The following CAB39 variants were observed in gnomAD, a reference collection of about 807,000 sequenced individuals.
CAB39 encodes the protein calcium binding protein 39, also known as calcium-binding protein 39.
Under a neutral mutation model 40.0 loss-of-function variants are expected in CAB39, and 8 were observed. The ratio of observed to expected loss-of-function variants is 0.20; its 90% CI spans 0.12 to 0.36. CAB39 has a LOEUF of 0.36. Ranked by LOEUF, CAB39 falls within the 10% of genes least tolerant of loss-of-function variation. The probability of loss-of-function intolerance (pLI) is 1.00; values close to 1 mark genes in which losing one functional copy is unlikely to be tolerated. For missense variants in CAB39, 270 were observed against 401.1 expected, an observed-to-expected ratio of 0.67 and a Z score of 2.79; for synonymous variants, 156 against 141.6, an observed-to-expected ratio of 1.10 and a Z score of -0.72.
intron 2 of CAB39, among the ~76,000 whole-genome samples, chr2:230,782,689 C>T (rs896554733): frequency 6.6e-6 from 1 of 152,070 alleles, no homozygotes; most frequent in African/African-American, 2.4e-5. Flanking sequence ...CCTTTGAAAA[C>T]CCTTTAATTG....
intron 1 of CAB39, among the ~76,000 whole-genome samples, chr2:230,743,510 G>A (rs1694919690): frequency 6.6e-6 from 1 of 152,202 alleles, no homozygotes; most frequent in African/African-American, 2.4e-5. Flanking sequence ...ATAGTTTTGT[G>A]TGGAGTTATT....
intron 2 of CAB39, among the ~76,000 whole-genome samples, chr2:230,783,638 A>G (rs1457437512): frequency 7.7e-6 from 1 of 129,748 alleles, no homozygotes; most frequent in Non-Finnish European, 1.6e-5. Context: ...AGCTGGGACC[A>G]TAGGCATGCA....
At chr2:230,779,797 T>C (rs755627262) in intron 2 of CAB39, among the ~76,000 whole-genome samples, 4 of 152,198 alleles carry the variant, frequency 2.6e-5, no homozygotes, top group Non-Finnish European at 5.9e-5. Context: ...TCACAGCTGC[T>C]GTAGGCATCA....
At chr2:230,811,314 CCT>C (rs1696300781) in intron 6 of CAB39, among the ~76,000 whole-genome samples, 9 of 151,802 alleles carry the variant, frequency 5.9e-5, no homozygotes, top group Non-Finnish European at 1.5e-5. Flanking sequence ...GGTTTTTTTC[CCT>C]GTCTTTTCCC....
chr2:230,720,217 A>G (rs963585768), intron 1 of CAB39, among the ~76,000 whole-genome samples: 2 of 152,212 alleles, frequency 1.3e-5, no homozygotes, highest in Non-Finnish European at 2.9e-5. Context: ...TGGGAAAGAA[A>G]GAACCAAAAA....
intron 1 of CAB39, among the ~76,000 whole-genome samples, chr2:230,734,045 C>T (rs1694741873): frequency 6.6e-6 from 1 of 152,184 alleles, no homozygotes; most frequent in Non-Finnish European, 1.5e-5. Flanking sequence ...CACTCGCAGC[C>T]CGCACTAGGC....
At chr2:230,724,337 A>ATAGCACAGGTATGTTT (rs1211978258) in intron 1 of CAB39, among the ~76,000 whole-genome samples, 1 of 152,074 alleles carries the variant, frequency 6.6e-6, no homozygotes, top group African/African-American at 2.4e-5. Flanking sequence ...AATTGCTAAC[A>ATAGCACAGGTATGTTT]TAGCACAGGT....
chr2:230,721,250 G>A (rs1367885981), intron 1 of CAB39, among the ~76,000 whole-genome samples: 1 of 152,144 alleles, frequency 6.6e-6, no homozygotes, highest in African/African-American at 2.4e-5. Flanking sequence ...GGCCAACGTG[G>A]CGAAACCATG....
intron 1 of CAB39, among the ~76,000 whole-genome samples, chr2:230,744,745 G>A (rs1694943867): frequency 6.6e-6 from 1 of 152,234 alleles, no homozygotes; most frequent in African/African-American, 2.4e-5. Flanking sequence ...TATAACAACT[G>A]CATGGTACAC....
chr2:230,813,992 T>TTTTTTTTTG (rs1381999776), intron 6 of CAB39, 57 bp from the exon 7 acceptor site: 1 of 400,284 alleles, frequency 2.5e-6, no homozygotes, highest in Non-Finnish European at 4.4e-6. Context: ...TTTTTTTTTT[T>TTTTTTTTTG]TTTTTTTTTT....
intron 1 of CAB39, among the ~76,000 whole-genome samples, chr2:230,739,303 G>A (rs940839708): frequency 1.3e-4 from 20 of 152,098 alleles, no homozygotes; most frequent in Non-Finnish European, 2.2e-4. Flanking sequence ...TGAAGTTCCC[G>A]TTTTCTGAAA....
At chr2:230,756,548 T>C (rs1041217648) in intron 1 of CAB39, among the ~76,000 whole-genome samples, 55 of 152,194 alleles carry the variant, frequency 3.6e-4, no homozygotes, top group African/African-American at 1.2e-3. Context: ...TGTTTTTGCC[T>C]ACCAAAATCT....
rs572800799 is a variant in CAB39, at chr2:230,755,463, T to C, written c.-43-4496T>C. 2.0e-5 allele frequency among the ~76,000 whole-genome samples: 3 copies of C among 152,360 alleles called. No individual in the cohort carries two copies. The South Asian group carries it at 6.2e-4, about 32-fold the overall frequency. On this transcript the variant is annotated intron_variant, in intron 1 of 8. Coordinates refer to ENST00000258418, the MANE Select transcript of CAB39 (RefSeq NM_016289.4). ...TTCTTTTGAGAATTGTCTGTTTATGTCCTTAGCCCACTTTTTGATGGGATT... is the reference window on the plus strand; with the variant it reads ...TTCTTTTGAGAATTGTCTGTTTATGCCCTTAGCCCACTTTTTGATGGGATT...
intron 2 of CAB39, 38 bp from the exon 3 acceptor site, chr2:230,790,833 GT>G: frequency 1.3e-6 from 2 of 1,544,558 alleles, no homozygotes; most frequent in Non-Finnish European, 1.8e-6. Flanking sequence ...AAAATGAATT[GT>G]TTTTTCTCCT....
intron 1 of CAB39, among the ~76,000 whole-genome samples, chr2:230,752,411 T>A (rs185734367): frequency 6.6e-6 from 1 of 152,272 alleles, no homozygotes; most frequent in African/African-American, 2.4e-5. Flanking sequence ...GAAGACTAAG[T>A]CCCAGATCAG....
chr2:230,726,055 T>C (rs1175961190), intron 1 of CAB39, among the ~76,000 whole-genome samples: 6 of 152,238 alleles, frequency 3.9e-5, no homozygotes, highest in Non-Finnish European at 7.3e-5. Context: ...GCTGAAAGAA[T>C]GCATAGTTCT....
intron 5 of CAB39, among the ~76,000 whole-genome samples, chr2:230,805,186 G>T (rs1368498553): frequency 6.7e-6 from 1 of 149,796 alleles, no homozygotes; most frequent in Admixed American, 6.7e-5. Context: ...TCATAGGTGC[G>T]AATTGAACAA....
chr2:230,793,138 G>A (rs1207303668), intron 3 of CAB39, 75 bp from the exon 4 acceptor site: 9 of 775,424 alleles, frequency 1.2e-5, no homozygotes, highest in Non-Finnish European at 2.0e-5. Flanking sequence ...GGCCTTATTC[G>A]AGTTCATTTG....
chr2:230,760,990 C>T (rs1433409468), intron 2 of CAB39, among the ~76,000 whole-genome samples: 1 of 151,670 alleles, frequency 6.6e-6, no homozygotes, highest in Non-Finnish European at 1.5e-5. Flanking sequence ...CTTTATTTCT[C>T]TAAGTAAATT....
Sources: allele counts gnomAD v4.1 joint callset (sites outside exome capture counted in the v4.1 genomes callset), GRCh38; gene constraint gnomAD v4.1.1; transcripts MANE v1.5; gene names NCBI Gene and HGNC (gene_info 2026-07-23, HGNC 2026-07-21).